AKAP14: variants seen among roughly 807,000 people sequenced by gnomAD.
AKAP14 encodes the protein A-kinase anchor protein 14.
Under a neutral mutation model 17.0 loss-of-function variants are expected in AKAP14, and 4 were observed. That is an observed-to-expected ratio of 0.23 (90% CI 0.12 to 0.54). The LOEUF (loss-of-function observed/expected upper bound fraction) is 0.54. Ranked by LOEUF, AKAP14 falls within the 20% of genes least tolerant of loss-of-function variation. AKAP14 has a pLI of 0.95. For synonymous variants in AKAP14, 42 were observed against 51.3 expected, an observed-to-expected ratio of 0.82 and a Z score of 0.77; for missense variants, 129 against 150.9, an observed-to-expected ratio of 0.85 and a Z score of 0.76.
At chrX:119,904,744 G>A (rs777419853) in intron 4 of AKAP14, among the ~76,000 whole-genome samples, 1 of 111,375 alleles carries the variant, frequency 9.0e-6, no homozygotes, top group Admixed American at 9.6e-5. Context: ...TTAGCCAGGC[G>A]TGGTGCTGGG....
rs373853881 is a variant in AKAP14, at chrX:119,914,819, G to A, written c.382G>A (p.Val128Ile). The A allele has an allele frequency of 1.3e-4, 156 of 1,208,999 alleles. No homozygotes were observed. The highest frequency in any genetic ancestry group is 1.6e-4 in the Non-Finnish European group (143 of 894,685). The stretch of plus-strand genomic sequence containing the variant: ...GAGTATCTCAACTGCTGACCTACCC[G>A]TAGCACGAATCTCTGCTGGTACCTA... Reference protein sequence around the residue: ...HWSISTADLPVARISAGTYFT... With the variant: ...HWSISTADLPIARISAGTYFT... The change falls in exon 5 of 7, where the codon GTA (valine) becomes ATA (isoleucine). Residue 128 changes from valine to isoleucine, a missense_variant. Val to Ile is a conservative substitution (Grantham distance 29, BLOSUM62 3). Coordinates refer to ENST00000371431, the MANE Select transcript of AKAP14 (RefSeq NM_178813.6).
intron 4 of AKAP14, among the ~76,000 whole-genome samples, chrX:119,908,308 ATGGTAT>A (rs2056609788): frequency 1.0e-5 from 1 of 95,451 alleles, no homozygotes; most frequent in Non-Finnish European, 2.1e-5. Context: ...AAAAAGAAGG[ATGGTAT>A]AGGATGGTAT....
At chrX:119,909,460 G>A (rs958670469) in intron 4 of AKAP14, among the ~76,000 whole-genome samples, 32 of 108,691 alleles carry the variant, frequency 2.9e-4, no homozygotes, top group East Asian at 5.8e-4. Flanking sequence ...CTCGGGAGGC[G>A]GAGGTTGCAG....
chrX:119,911,273 G>T (rs746631346), intron 4 of AKAP14, among the ~76,000 whole-genome samples: 2 of 107,494 alleles, frequency 1.9e-5, no homozygotes, highest in African/African-American at 6.7e-5. Context: ...AGAATTGTTT[G>T]AACTTGGAAG....
chrX:119,920,087 A>G, intron 6 of AKAP14, 124 bp downstream of exon 6: 1 of 717,940 alleles, frequency 1.4e-6, no homozygotes, highest in South Asian at 2.7e-5. Context: ...TGGACCACCA[A>G]GCCCATTAGA....
intron 5 of AKAP14, 75 bp downstream of exon 5, chrX:119,914,953 C>A: frequency 9.7e-7 from 1 of 1,034,572 alleles, no homozygotes. Flanking sequence ...TCATCAATAA[C>A]CCCATTTTTA....
intron 2 of AKAP14, among the ~76,000 whole-genome samples, chrX:119,896,795 C>G (rs1200268368): frequency 1.1e-5 from 1 of 90,119 alleles, no homozygotes; most frequent in Non-Finnish European, 2.2e-5. Flanking sequence ...GGGCAATTTT[C>G]TTTTCTTTTC....
At chrX:119,919,837 A>C (rs1413214709) in intron 5 of AKAP14, 74 bp from the exon 6 acceptor site, 2 of 1,076,269 alleles carry the variant, frequency 1.9e-6, no homozygotes. Context: ...CAGAGCAAGA[A>C]GACTCCATCT....
rs2147837166 is a variant in AKAP14, at chrX:119,914,691, T to A, written c.262-8T>A. 8.4e-7 allele frequency: 1 copy of A among 1,191,126 alleles called. No individual in the cohort carries two copies. Among genetic ancestry groups the A allele is most frequent in the Non-Finnish European group, 1.1e-6 (1 of 888,519 alleles). On this transcript the variant is annotated splice_region_variant and splice_polypyrimidine_tract_variant and intron_variant, in intron 4 of 6. Transcript: ENST00000371431. The stretch of plus-strand genomic sequence containing the variant: ...TTCTGTGTGCTTTTTCTTTTTTCTA[T>A]GAAACAGAAGTGTGTTTCTAAAAAA...
chrX:119,912,030 G>A (rs780828015), intron 4 of AKAP14, among the ~76,000 whole-genome samples: 1 of 108,622 alleles, frequency 9.2e-6, no homozygotes, highest in East Asian at 2.9e-4. Context: ...TCCTGGGTTC[G>A]AAGGATTCTC....
At chrX:119,896,079 C>T (rs943387217) in intron 1 of AKAP14, 76 bp from the exon 2 acceptor site, 1 of 111,214 alleles carries the variant, frequency 9.0e-6, no homozygotes, top group African/African-American at 3.3e-5. Context: ...CCATCTTACC[C>T]TCTGTTATTA....
chrX:119,902,657 A>G (rs1042530383), intron 2 of AKAP14, among the ~76,000 whole-genome samples: 6 of 111,334 alleles, frequency 5.4e-5, no homozygotes, highest in African/African-American at 2.0e-4. Context: ...TTTTTCTACT[A>G]CATTTTGATT....
At chrX:119,905,619 C>T (rs1339885034) in intron 4 of AKAP14, among the ~76,000 whole-genome samples, 1 of 111,348 alleles carries the variant, frequency 9.0e-6, no homozygotes, top group Non-Finnish European at 1.9e-5. Context: ...CTCTCACCTT[C>T]TTCCCTCGGC....
intron 2 of AKAP14, among the ~76,000 whole-genome samples, chrX:119,897,405 C>A (rs901889921): frequency 1.8e-5 from 2 of 110,586 alleles, no homozygotes; most frequent in Non-Finnish European, 3.8e-5. Context: ...GTGATCCGCC[C>A]GCCTTGGCCT....
chrX:119,910,377 C>T (rs920998798), intron 4 of AKAP14, among the ~76,000 whole-genome samples: 2 of 111,500 alleles, frequency 1.8e-5, no homozygotes, highest in African/African-American at 3.3e-5. Context: ...ACTTGTTAGA[C>T]TCTCCCAATT....
At chrX:119,901,040 A>C (rs2056562722) in intron 2 of AKAP14, among the ~76,000 whole-genome samples, 1 of 112,271 alleles carries the variant, frequency 8.9e-6, no homozygotes, top group South Asian at 3.7e-4. Context: ...AATACATGTT[A>C]AAGGCATCTG....
chrX:119,896,596 G>C (rs1283326656), intron 2 of AKAP14, among the ~76,000 whole-genome samples: 1 of 111,075 alleles, frequency 9.0e-6, no homozygotes, highest in African/African-American at 3.3e-5. Context: ...TTCTTCCTGG[G>C]CACTGCTCCC....
At chrX:119,909,571 A>G (rs1264275327) in intron 4 of AKAP14, among the ~76,000 whole-genome samples, 1 of 107,642 alleles carries the variant, frequency 9.3e-6, no homozygotes, top group Non-Finnish European at 1.9e-5. Flanking sequence ...CCAATGAGCC[A>G]TAAGGGGTTG....
At chrX:119,909,276 C>T (rs5910705) in intron 4 of AKAP14, among the ~76,000 whole-genome samples, 4,411 of 110,543 alleles carry the variant, frequency 0.04, 84 homozygotes, top group East Asian at 0.12. Flanking sequence ...CACCTGTGGC[C>T]AGGAGTTTGA....
Sources: allele counts gnomAD v4.1 joint callset (sites outside exome capture counted in the v4.1 genomes callset), GRCh38; gene constraint gnomAD v4.1.1; transcripts MANE v1.5; gene names NCBI Gene and HGNC (gene_info 2026-07-23, HGNC 2026-07-21).